The following CACNA1C variants were observed in gnomAD, a reference collection of about 807,000 sequenced individuals.
The protein encoded by CACNA1C is calcium voltage-gated channel subunit alpha1 C.
CACNA1C carries 30 observed loss-of-function variants against 229.0 expected under a neutral mutation model. The ratio of observed to expected loss-of-function variants is 0.13; its 90% confidence interval spans 0.10 to 0.18. CACNA1C has a LOEUF of 0.18. Ranked by LOEUF, CACNA1C falls within the 10% of genes least tolerant of loss-of-function variation. The probability of loss-of-function intolerance (pLI) is 1.00; values close to 1 mark genes in which losing one functional copy is unlikely to be tolerated. For synonymous variants in CACNA1C, 1,114 were observed against 1,132.5 expected, an observed-to-expected ratio of 0.98 and a Z score of 0.33; for missense variants, 1,658 against 2,845.0, an observed-to-expected ratio of 0.58 and a Z score of 9.49.
intron 3 of CACNA1C, among the ~76,000 whole-genome samples, chr12:2,390,000 G>C (rs749459273): frequency 6.6e-6 from 1 of 152,146 alleles, no homozygotes. Context: ...TTTTATTATA[G>C]CATCTCTCAA....
intron 1 of CACNA1C, chr12:2,018,075 A>G (rs568898830): frequency 6.6e-6 from 1 of 152,368 alleles, no homozygotes; most frequent in South Asian, 2.1e-4. Flanking sequence ...GGTCTAAACA[A>G]TTAACAGAAC....
intron 3 of CACNA1C, among the ~76,000 whole-genome samples, chr12:2,434,473 C>T (rs1019812636): frequency 6.6e-6 from 1 of 152,232 alleles, no homozygotes. Flanking sequence ...GTTAAACCAT[C>T]TGTCCAAGCT....
intron 3 of CACNA1C, among the ~76,000 whole-genome samples, chr12:2,429,059 T>A (rs2099058632): frequency 6.6e-6 from 1 of 152,160 alleles, no homozygotes. Context: ...GCCTTTCTTT[T>A]CGCTTTTGGT....
chr12:2,170,791 G>A (rs1330153987), intron 3 of CACNA1C, among the ~76,000 whole-genome samples: 1 of 152,244 alleles, frequency 6.6e-6, no homozygotes, highest in Admixed American at 6.5e-5. Flanking sequence ...ACCTCAGTAC[G>A]TACCACAATA....
intron 3 of CACNA1C, among the ~76,000 whole-genome samples, chr12:2,296,339 G>T (rs1771533866): frequency 6.6e-6 from 1 of 152,200 alleles, no homozygotes; most frequent in Non-Finnish European, 1.5e-5. Flanking sequence ...CTCTGTAACA[G>T]TCTGGCCTTG....
intron 3 of CACNA1C, among the ~76,000 whole-genome samples, chr12:2,415,540 C>A (rs1435321980): frequency 6.6e-6 from 1 of 152,152 alleles, no homozygotes; most frequent in Non-Finnish European, 1.5e-5. Context: ...ACAGTACTGG[C>A]AGCAGGAATA....
chr12:2,506,507 T>A (rs1402255467), intron 8 of CACNA1C, among the ~76,000 whole-genome samples: 1 of 152,246 alleles, frequency 6.6e-6, no homozygotes, highest in Non-Finnish European at 1.5e-5. Flanking sequence ...ATTTTCAGAA[T>A]ACTTAACACA....
intron 3 of CACNA1C, among the ~76,000 whole-genome samples, chr12:2,270,799 G>T (rs1000332625): frequency 1.3e-5 from 2 of 152,134 alleles, no homozygotes; most frequent in African/African-American, 4.8e-5. Context: ...TCTTCTTTTG[G>T]GTGAAGTCTT....
At chr12:2,322,197 G>A (rs1227015316) in intron 3 of CACNA1C, among the ~76,000 whole-genome samples, 1 of 152,208 alleles carries the variant, frequency 6.6e-6, no homozygotes, top group African/African-American at 2.4e-5. Flanking sequence ...AAGGAGAAGT[G>A]CTTGAGAGCC....
intron 3 of CACNA1C, among the ~76,000 whole-genome samples, chr12:2,150,108 G>A (rs541356380): frequency 6.6e-6 from 1 of 152,284 alleles, no homozygotes; most frequent in South Asian, 2.1e-4. Context: ...CTCCCAGAGG[G>A]GCTGGCTGGC....
intron 29 of CACNA1C, among the ~76,000 whole-genome samples, chr12:2,616,015 C>T (rs1602207573): frequency 2.0e-5 from 3 of 152,288 alleles, no homozygotes; most frequent in Admixed American, 2.0e-4. Flanking sequence ...TCAGCTGAAG[C>T]CATCCCACTC....
chr12:2,062,848 G>A (rs140293369), intron 1 of CACNA1C, among the ~76,000 whole-genome samples: 1 of 152,130 alleles, frequency 6.6e-6, no homozygotes, highest in Admixed American at 6.5e-5. Flanking sequence ...ATTCTCAAAC[G>A]AGATTCCCGT....
In CACNA1C at chr12:2,610,534, C is replaced by T; in HGVS notation, c.3559-7C>T. ...CCCACTCTCCCCATCCTCCACCACC[C>T]TCCCAGCGACAGTGCGTGGAATACG... On this transcript the variant is annotated splice_region_variant and splice_polypyrimidine_tract_variant and intron_variant, in intron 27 of 46. Transcript: ENST00000399655. The T allele has an allele frequency of 6.2e-7, 1 of 1,609,908 alleles. No homozygotes were observed.
intron 3 of CACNA1C, among the ~76,000 whole-genome samples, chr12:2,339,553 AAC>A (rs2096798505): frequency 1.3e-5 from 2 of 152,250 alleles, no homozygotes; most frequent in Non-Finnish European, 2.9e-5. Flanking sequence ...TTAAAACACA[AAC>A]ACACAGCTGT....
rs954599350 is a variant in CACNA1C at position 2,342,939 on chromosome 12, A to T, written c.478-106037A>T. 5.9e-5 allele frequency among the ~76,000 whole-genome samples: 9 copies of T among 152,352 alleles called. No homozygotes were observed. The East Asian group carries it at 1.7e-3, about 29-fold the overall frequency. ...ATCTTACATTTATTTAGCAGTTTTC[A>T]TGTGCATTATTTTATTTAAGCCTTA... is the stretch of plus-strand genomic sequence containing the variant. On this transcript the variant is annotated intron_variant, in intron 3 of 46. Transcript: ENST00000399655.
rs1244096871 is a variant in CACNA1C, at chr12:2,654,842, G to A, written c.4141-305G>A. Among the ~76,000 whole-genome samples the A allele has an allele frequency of 6.6e-6, 1 of 152,234 alleles. No homozygotes were observed. The highest frequency in any genetic ancestry group is 1.5e-5 in the Non-Finnish European group (1 of 68,036). On this transcript the variant is annotated intron_variant, in intron 33 of 46. Transcript: ENST00000399655. This position sits in a 1 kb window ranked among gnomAD's most constrained non-coding sequence, Gnocchi z 4.4. ...AAGAAAATAACGCAGTGCGTCCTGT[G>A]TCCTGTCAGAAGCAGGATCCCGGTC... is the stretch of plus-strand genomic sequence containing the variant.
chr12:2,497,953 G>A (rs1405697552), intron 7 of CACNA1C, among the ~76,000 whole-genome samples: 1 of 128,244 alleles, frequency 7.8e-6, no homozygotes, highest in Non-Finnish European at 1.6e-5. Context: ...GTGCGGAGAA[G>A]GTATTTCTAT....
intron 3 of CACNA1C, among the ~76,000 whole-genome samples, chr12:2,376,199 T>C (rs953523916): frequency 1.3e-5 from 2 of 152,140 alleles, no homozygotes; most frequent in Admixed American, 6.5e-5. Flanking sequence ...TTTTTGCCAT[T>C]AGAGAACACA....
intron 3 of CACNA1C, among the ~76,000 whole-genome samples, chr12:2,266,267 A>G (rs1163012247): frequency 6.6e-6 from 1 of 152,190 alleles, no homozygotes; most frequent in Non-Finnish European, 1.5e-5. Flanking sequence ...CCGGGCGGGC[A>G]GTACTGGGGG....
Sources: gnomAD v4.1 joint callset for allele counts (sites outside exome capture counted in the v4.1 genomes callset) on GRCh38, gnomAD v4.1.1 for gene constraint, Gnocchi (gnomAD v3.1) non-coding constraint, MANE v1.5 for transcripts, NCBI Gene and HGNC (gene_info 2026-07-23, HGNC 2026-07-21) for gene names.